Variants in UBE2U observed in about 807,000 individuals in gnomAD.
UBE2U encodes the protein ubiquitin-conjugating enzyme E2 U.
UBE2U carries 39 observed loss-of-function variants against 41.2 expected under a neutral mutation model. That is an observed-to-expected ratio of 0.95 (90% CI 0.73 to 1.24). UBE2U has a LOEUF of 1.24. Ranked by LOEUF, UBE2U falls within the 50% of genes most tolerant of loss-of-function variation. The probability of loss-of-function intolerance (pLI) is 0.00; values close to 1 mark genes in which losing one functional copy is unlikely to be tolerated. For missense variants in UBE2U, 336 were observed against 363.1 expected (o/e 0.93, Z 0.61); for synonymous variants, 107 against 117.8 (o/e 0.91, Z 0.60).
chr1:64,204,927 TAA>T (rs1651200448), intron 1 of UBE2U, among the ~76,000 whole-genome samples: 1 of 152,204 alleles, frequency 6.6e-6, no homozygotes. Context: ...GGCATGGACC[TAA>T]CATTTGATAT....
chr1:64,242,037 CAT>C (rs1369776990), intron 8 of UBE2U, among the ~76,000 whole-genome samples: 1 of 151,188 alleles, frequency 6.6e-6, no homozygotes, highest in African/African-American at 2.4e-5. Flanking sequence ...TCCTTATCAA[CAT>C]GTGACTTAGA....
chr1:64,216,000 A>G (rs1285513239), intron 5 of UBE2U, among the ~76,000 whole-genome samples: 1 of 152,030 alleles, frequency 6.6e-6, no homozygotes, highest in African/African-American at 2.4e-5. Flanking sequence ...TACCTTCCCA[A>G]TCAACAGGCC....
intron 8 of UBE2U, chr1:64,244,291 A>G (rs1360779461): frequency 8.7e-7 from 1 of 1,148,254 alleles, no homozygotes; most frequent in Non-Finnish European, 1.1e-6. Flanking sequence ...GACGCTTATT[A>G]TTTTATATAT....
Position 64,239,062 on chromosome 1 carries a change from AGAAGAGGAAGAG to A in UBE2U, c.596-2566_596-2555del, listed in dbSNP as rs1273395992. 4.1e-3 allele frequency among the ~76,000 whole-genome samples: 290 copies of A among 71,170 alleles called. 8 individuals carry two copies. Among genetic ancestry groups the A allele is most frequent in the Middle Eastern group, 6.6e-3 (1 of 152 alleles). 46.7% of individuals were successfully genotyped at this position (71,170 alleles called of 152,430 possible). On this transcript the variant is annotated intron_variant, in intron 7 of 9. Coordinates refer to ENST00000371077, the MANE Select transcript of UBE2U (RefSeq NM_001366232.2). ...CATCTCAAAAAGAAGAAGAAGAAGA[AGAAGAGGAAGAG>A]GAAGAGGAAGAGGAAGAGGAAGAAG...
intron 8 of UBE2U, among the ~76,000 whole-genome samples, chr1:64,248,569 GT>G (rs60816978): frequency 0.18 from 26,108 of 144,658 alleles, 2,802 homozygotes; most frequent in Non-Finnish European, 0.25. Context: ...CATTTTACTT[GT>G]TTTTTTTTTT....
chr1:64,266,357 G>A (rs1175648652), intron 9 of UBE2U, among the ~76,000 whole-genome samples: 1 of 152,116 alleles, frequency 6.6e-6, no homozygotes, highest in Non-Finnish European at 1.5e-5. Context: ...TGTGTTTTTG[G>A]ATAGACAGAT....
chr1:64,243,032 C>G (rs753374227), intron 8 of UBE2U, among the ~76,000 whole-genome samples: 4 of 152,136 alleles, frequency 2.6e-5, no homozygotes, highest in Non-Finnish European at 5.9e-5. Flanking sequence ...TTCAATTTAT[C>G]CATCCACTTC....
At chr1:64,221,891 C>T (rs1027400248) in intron 6 of UBE2U, among the ~76,000 whole-genome samples, 4 of 152,154 alleles carry the variant, frequency 2.6e-5, no homozygotes, top group African/African-American at 9.6e-5. Context: ...TCGAGACCAT[C>T]CTGGCTAACA....
In UBE2U at chr1:64,205,620, T is replaced by C; in HGVS notation, c.67-19T>C. On this transcript the variant is annotated intron_variant, in intron 1 of 9. Transcript: ENST00000371077. ...ACTTAATAAGTTTTTTCTGATTTAA[T>C]TTTGTTTTTAACTTCAAGGGTATCA... 1.3e-6 allele frequency: 2 copies of C among 1,594,116 alleles called. No individual in the cohort carries two copies. Among genetic ancestry groups the C allele is most frequent in the Non-Finnish European group, 1.7e-6 (2 of 1,169,948 alleles).
In UBE2U at chr1:64,267,133, T is replaced by G; in HGVS notation, c.879T>G (p.Asp293Glu). ...CTTCATTATATGAAAATGACACAGATGAGCCCAGGGAAGAGGAAGTGGAAG... is the reference window on the plus strand; with the variant it reads ...CTTCATTATATGAAAATGACACAGAGGAGCCCAGGGAAGAGGAAGTGGAAG... The part of the protein sequence containing the change: ...SDTSLYENDT[D>E]EPREEEVEDL... Residue 293 changes from aspartate (D) to glutamate (E), a missense_variant, in exon 10 of 10, where the codon GAT becomes GAG. Coordinates refer to ENST00000371077, the MANE Select transcript of UBE2U (RefSeq NM_001366232.2). 6.5e-7 allele frequency: 1 copy of G among 1,550,370 alleles called. No homozygotes were observed.
At position 64,239,183 on chromosome 1, in the gene UBE2U, A is replaced by G. The variant is rs59003592; in HGVS notation, c.596-2469A>G. On this transcript the variant is annotated intron_variant, in intron 7 of 9. Transcript: ENST00000371077. ...AAGAAGAAGAAGAAGAAGAAGAAGAAGAAGAAGAAAGCCCCAGACAAGGAC... is the reference window on the plus strand; with the variant it reads ...AAGAAGAAGAAGAAGAAGAAGAAGAGGAAGAAGAAAGCCCCAGACAAGGAC... Among the ~76,000 whole-genome samples, 949 of 140,062 alleles carry G rather than the reference A, an allele frequency of 6.8e-3. 16 individuals are homozygous for G. Among genetic ancestry groups the G allele is most frequent in the African/African-American group, 0.015 (518 of 34,858 alleles). 91.9% of individuals were successfully genotyped at this position (140,062 alleles called of 152,430 possible). A position where few individuals can be genotyped will look rare whatever the true frequency, so the allele number is the denominator to read the frequency against.
At chr1:64,254,227 C>A (rs1423546262) in intron 8 of UBE2U, among the ~76,000 whole-genome samples, 1 of 152,068 alleles carries the variant, frequency 6.6e-6, no homozygotes, top group Non-Finnish European at 1.5e-5. Flanking sequence ...AAATATATAT[C>A]CACCTAATAC....
intron 7 of UBE2U, among the ~76,000 whole-genome samples, chr1:64,240,863 G>A (rs1330853357): frequency 6.6e-6 from 1 of 152,114 alleles, no homozygotes; most frequent in Non-Finnish European, 1.5e-5. Flanking sequence ...CTGAGTAGCT[G>A]GGATTACGGG....
intron 3 of UBE2U, among the ~76,000 whole-genome samples, chr1:64,207,871 A>G (rs893205031): frequency 6.6e-6 from 1 of 152,222 alleles, no homozygotes; most frequent in Non-Finnish European, 1.5e-5. Context: ...AAAGACACTG[A>G]CTTTTGCAAA....
At position 64,203,946 on chromosome 1, in the gene UBE2U, A is replaced by G. The variant is rs1651129487; in HGVS notation, c.-105A>G. 1.1e-6 allele frequency: 1 copy of G among 931,694 alleles called. No individual in the cohort carries two copies. The highest frequency in any genetic ancestry group is 1.6e-6 in the Non-Finnish European group (1 of 614,294). The allele number at this position is 931,694 out of a possible 1,614,324, so 57.7% of individuals were successfully genotyped here. A position where few individuals can be genotyped will look rare whatever the true frequency, so the allele number is the denominator to read the frequency against. ...TGAGGTTCTAGAAAGCAAGTAACTT[A>G]TATCAGTTTACTAAGTGTGGGAAAG... On this transcript the variant is annotated 5_prime_UTR_variant, in exon 1 of 10. Coordinates refer to ENST00000371077, the MANE Select transcript of UBE2U (RefSeq NM_001366232.2).
chr1:64,226,950 A>T (rs1211437612), intron 6 of UBE2U, among the ~76,000 whole-genome samples: 1 of 152,238 alleles, frequency 6.6e-6, no homozygotes, highest in Non-Finnish European at 1.5e-5. Flanking sequence ...GGGTCTGATT[A>T]TAAGAAAGCA....
chr1:64,214,286 C>T (rs1029771282), intron 4 of UBE2U, among the ~76,000 whole-genome samples: 6 of 152,138 alleles, frequency 3.9e-5, no homozygotes, highest in African/African-American at 1.4e-4. Context: ...GACTAGGGAG[C>T]TGAATTTTTA....
chr1:64,265,005 G>C (rs113265690), intron 9 of UBE2U, among the ~76,000 whole-genome samples: 1 of 152,094 alleles, frequency 6.6e-6, no homozygotes, highest in Non-Finnish European at 1.5e-5. Context: ...ACAGGATCCT[G>C]CTTGAGGGGA....
At chr1:64,239,181 G>GAGGAAGAAGAAGAAGAAGA (rs1644783798) in intron 7 of UBE2U, among the ~76,000 whole-genome samples, 1 of 134,618 alleles carries the variant, frequency 7.4e-6, no homozygotes, top group Admixed American at 7.5e-5. Context: ...AGAAGAAGAA[G>GAGGAAGAAGAAGAAGAAGA]AAGAAGAAGA....
Sources: gnomAD v4.1 joint callset for allele counts (sites outside exome capture counted in the v4.1 genomes callset) on GRCh38, gnomAD v4.1.1 for gene constraint, MANE v1.5 for transcripts, NCBI Gene and HGNC (gene_info 2026-07-23, HGNC 2026-07-21) for gene names.